ACAN: variants seen among roughly 807,000 people sequenced by gnomAD.
The protein encoded by ACAN is aggrecan core protein.
ACAN carries 47 observed loss-of-function variants against 169.1 expected under a neutral mutation model. The ratio of observed to expected loss-of-function variants is 0.28; its 90% CI spans 0.22 to 0.35. The LOEUF is 0.35. Among genes scored for constraint, ACAN ranks in the 10% least tolerant of loss-of-function variants. The pLI is 1.00. For missense variants in ACAN, 2,716 were observed against 2,759.9 expected, an observed-to-expected ratio of 0.98 and a Z score of 0.36; for synonymous variants, 1,115 against 1,112.2, an observed-to-expected ratio of 1.00 and a Z score of -0.05.
intron 2 of ACAN, among the ~76,000 whole-genome samples, chr15:88,837,625 C>T (rs971467212): frequency 6.6e-6 from 1 of 152,158 alleles, no homozygotes; most frequent in Non-Finnish European, 1.5e-5. Flanking sequence ...CAGCTCTCCC[C>T]TGAGAACCAC....
rs1156388964 is a variant in ACAN, at chr15:88,838,673, C to T, written c.81C>T (p.Asn27=). The change falls in exon 3 of 19, where the codon AAC becomes AAT. Residue 27 remains asparagine (N), a synonymous_variant. Transcript: ENST00000560601. This position sits in a 1 kb window ranked among gnomAD's most constrained non-coding sequence, Gnocchi z 5.1. The part of the protein sequence containing the change: ...AVTVETSDHD[N]SLSVSIPQPS... ...ACCTCTCCCACACAGACCATGACAACTCGCTGAGTGTCAGCATCCCCCAAC... is the reference window on the plus strand; with the variant it reads ...ACCTCTCCCACACAGACCATGACAATTCGCTGAGTGTCAGCATCCCCCAAC... 2 of 1,582,782 alleles carry T rather than the reference C, an allele frequency of 1.3e-6. No homozygotes were observed. The highest frequency in any genetic ancestry group is 1.7e-5 in the Admixed American group (1 of 58,620).
In ACAN at chr15:88,874,693, G is replaced by A. The variant is rs1897470797; in HGVS notation, c.*212G>A. The A allele has an allele frequency of 1.5e-6, 1 of 656,962 alleles. No individual in the cohort carries two copies. 40.7% of individuals were successfully genotyped at this position (656,962 alleles called of 1,614,324 possible). ...TCTAATTTGTCCGCCGAATGCCAAA[G>A]CAAAGCAAACTTATTATAACCCTTG... is the stretch of plus-strand genomic sequence containing the variant. On this transcript the variant is annotated 3_prime_UTR_variant, in exon 19 of 19. Transcript: ENST00000560601. This position sits in a 1 kb window ranked among gnomAD's most constrained non-coding sequence, Gnocchi z 7.3.
intron 11 of ACAN, among the ~76,000 whole-genome samples, chr15:88,853,150 G>A (rs79230535): frequency 8.5e-5 from 13 of 152,100 alleles, no homozygotes; most frequent in African/African-American, 2.2e-4. Context: ...CTTTGGCATC[G>A]GGGTGTGACT....
chr15:88,859,972 C>T (rs1342743700), intron 12 of ACAN, among the ~76,000 whole-genome samples: 1 of 151,922 alleles, frequency 6.6e-6, no homozygotes, highest in African/African-American at 2.4e-5. Context: ...ATCCCCAACC[C>T]CATCCGTGTA....
chr15:88,863,132 G>A (rs557093807), intron 13 of ACAN, among the ~76,000 whole-genome samples: 2 of 152,158 alleles, frequency 1.3e-5, no homozygotes, highest in African/African-American at 4.8e-5. Context: ...AAGGGGGTCA[G>A]AAGCTGTATT....
rs1897322266 is a variant in ACAN at position 88,868,823 on chromosome 15, C to T, written c.7060+494C>T. 6.6e-6 allele frequency among the ~76,000 whole-genome samples: 1 copy of T among 152,198 alleles called. No individual in the cohort carries two copies. The highest frequency in any genetic ancestry group is 1.5e-5 in the Non-Finnish European group (1 of 68,042). On this transcript the variant is annotated intron_variant, in intron 14 of 18. Coordinates refer to ENST00000560601, the MANE Select transcript of ACAN (RefSeq NM_001369268.1). The surrounding 1 kb of genome is among the most constrained non-coding windows in gnomAD (Gnocchi z 5.2). Reference sequence around the variant, plus strand: ...TGGGGCAAGAGCTGTGGTTGGTCTGCCTGAGATCTCCCGTGTCATCAGCAT... The same window carrying T: ...TGGGGCAAGAGCTGTGGTTGGTCTGTCTGAGATCTCCCGTGTCATCAGCAT...
chr15:88,808,522 A>G (rs1465026279), intron 1 of ACAN, among the ~76,000 whole-genome samples: 1 of 152,090 alleles, frequency 6.6e-6, no homozygotes, highest in Non-Finnish European at 1.5e-5. Context: ...CTGACCCCTC[A>G]TTTCTATACA....
rs1322235271 is a variant in ACAN, at chr15:88,855,055, T to C, written c.2470T>C (p.Phe824Leu). 1.3e-6 allele frequency: 2 copies of C among 1,590,094 alleles called. No individual in the cohort carries two copies. Among genetic ancestry groups the C allele is most frequent in the Non-Finnish European group, 1.7e-6 (2 of 1,169,610 alleles). The change falls in exon 12 of 19, where the codon TTC (phenylalanine) becomes CTC (leucine). Residue 824 changes from phenylalanine (F) to leucine (L), a missense_variant. Physicochemically the swap from Phe to Leu is conservative, Grantham distance 22. Transcript: ENST00000560601. ...SVELFPSEEP[F>L]PSKEPSPSEE... Reference sequence around the variant, plus strand: ...GGAGCTGTTCCCCTCAGAGGAGCCATTCCCCTCCAAGGAGCCATCCCCCTC... The same window carrying C: ...GGAGCTGTTCCCCTCAGAGGAGCCACTCCCCTCCAAGGAGCCATCCCCCTC...
At chr15:88,837,919 C>CT (rs545798859) in intron 2 of ACAN, among the ~76,000 whole-genome samples, 1,421 of 66,740 alleles carry the variant, frequency 0.021, 11 homozygotes, top group Middle Eastern at 0.036. Flanking sequence ...TGTTTTTTTT[C>CT]TTTTTTTTTT....
At position 88,859,114 on chromosome 15, in the gene ACAN, G is replaced by A. The variant is rs745580775; in HGVS notation, c.6529G>A (p.Val2177Met). The change falls in exon 12 of 19, where the codon GTG (valine) becomes ATG (methionine). Residue 2177 changes from valine (V) to methionine (M), a missense_variant. By Grantham distance (21) the Val-to-Met change is conservative. This residue lies in a region of ACAN where 1,389 missense variants were observed against 1,363.7 expected (regional missense o/e 1.02). Transcript: ENST00000560601. ...TGGAGAATCCACCACCACCAGTGAT[G>A]TGGGGACAGAGGCACCAGGCTTGCC... is the stretch of plus-strand genomic sequence containing the variant. ...VSGESTTTSD[V>M]GTEAPGLPSA... 3 of 1,613,766 alleles carry A rather than the reference G, an allele frequency of 1.9e-6. No individual in the cohort carries two copies. The highest frequency in any genetic ancestry group is 2.5e-6 in the Non-Finnish European group (3 of 1,179,910).
intron 1 of ACAN, among the ~76,000 whole-genome samples, chr15:88,812,087 G>C (rs1041023918): frequency 6.6e-6 from 1 of 152,160 alleles, no homozygotes; most frequent in Non-Finnish European, 1.5e-5. Flanking sequence ...GTTAGGAGTG[G>C]GGATGGCTTC....
chr15:88,845,846 G>A lies in ACAN; in HGVS notation c.1393G>A (p.Val465Met), dbSNP rs761237568. ...AFTSEDLVVQ[V>M]TAVPGQPHLP... is the part of the protein sequence containing the mutation. ...CACCAGTGAGGACCTCGTCGTGCAG[G>A]TGACCGCTGTCCCTGGGCAGCCGCA... Residue 465 changes from valine (V) to methionine (M), a missense_variant, in exon 7 of 19, where the codon GTG (valine) becomes ATG (methionine). By Grantham distance (21) the Val-to-Met change is conservative (BLOSUM62 1). Around this residue, in one of 3 missense-constraint regions of ACAN, gnomAD observed 1,283 missense variants for 1,281.5 expected, o/e 1.00. Transcript: ENST00000560601. The A allele has an allele frequency of 3.6e-5, 54 of 1,480,216 alleles. No individual in the cohort carries two copies. The highest frequency in any genetic ancestry group is 4.8e-5 in the Non-Finnish European group (53 of 1,111,808). 91.7% of individuals were successfully genotyped at this position (1,480,216 alleles called of 1,614,324 possible). A position where few individuals can be genotyped will look rare whatever the true frequency, so the allele number is the denominator to read the frequency against.
rs35676128 is a variant in ACAN, at chr15:88,858,594, T to C, written c.6009T>C (p.Tyr2003=). The stretch of plus-strand genomic sequence containing the variant: ...GCGGAGAGCCACCAGGTACTCCATA[T>C]TTTAGTGGGGATTTTGCCAGCACCA... ...EPSGEPPGTP[Y]FSGDFASTTN... The change falls in exon 12 of 19, where the codon TAT becomes TAC. Residue 2003 remains tyrosine (Y), a synonymous_variant. Transcript: ENST00000560601. The surrounding 1 kb of genome is among the most constrained non-coding windows in gnomAD (Gnocchi z 4.0). 4.5e-3 allele frequency: 7,326 copies of C among 1,613,860 alleles called. 116 individuals are homozygous for C. The highest frequency in any genetic ancestry group is 0.041 in the African/African-American group (3,046 of 75,028).
intron 13 of ACAN, among the ~76,000 whole-genome samples, chr15:88,862,997 C>CAAAAAA (rs57598410): frequency 1.4e-5 from 1 of 73,800 alleles, no homozygotes; most frequent in Non-Finnish European, 2.9e-5. Context: ...CACTCGGTCT[C>CAAAAAA]AAAAAAAAAA....
chr15:88,861,533 G>A lies in ACAN; in HGVS notation c.6946+1094G>A, dbSNP rs1313518674. On this transcript the variant is annotated intron_variant, in intron 13 of 18. Coordinates refer to ENST00000560601, the MANE Select transcript of ACAN (RefSeq NM_001369268.1). This position sits in a 1 kb window ranked among gnomAD's most constrained non-coding sequence, Gnocchi z 6.3. ...ATGCTGTATACATGGTACATATGCA[G>A]TAACTATATATGTATATATAAACAG... Among the ~76,000 whole-genome samples the A allele has an allele frequency of 1.3e-5, 2 of 152,060 alleles. No homozygotes were observed. The highest frequency in any genetic ancestry group is 4.8e-5 in the African/African-American group (2 of 41,362).
chr15:88,830,749 G>C (rs956452842), intron 1 of ACAN, among the ~76,000 whole-genome samples: 1 of 152,238 alleles, frequency 6.6e-6, no homozygotes, highest in African/African-American at 2.4e-5. Context: ...GAGTGACTGA[G>C]TGGTGAGTGA....
chr15:88,866,408 C>T lies in ACAN; in HGVS notation c.6947-1808C>T, dbSNP rs1313647613. ...AGGCAGGAGAGCCGCCCCCAGCTTC[C>T]GCCCTGCCGACTGGCCTGACCTATT... On this transcript the variant is annotated intron_variant, in intron 13 of 18. Coordinates refer to ENST00000560601, the MANE Select transcript of ACAN (RefSeq NM_001369268.1). This position sits in a 1 kb window ranked among gnomAD's most constrained non-coding sequence, Gnocchi z 5.6. Among the ~76,000 whole-genome samples, 4 of 152,160 alleles carry T rather than the reference C, an allele frequency of 2.6e-5. No homozygotes were observed. In the East Asian group the frequency reaches 5.8e-4, roughly 22 times the overall value.
intron 13 of ACAN, among the ~76,000 whole-genome samples, chr15:88,864,106 T>G (rs1413133289): frequency 2.0e-5 from 3 of 152,166 alleles, no homozygotes; most frequent in Non-Finnish European, 2.9e-5. Flanking sequence ...GAGCCCAGGA[T>G]GTTGAGACTG....
chr15:88,806,278 C>A (rs1895680324), intron 1 of ACAN, among the ~76,000 whole-genome samples: 1 of 152,144 alleles, frequency 6.6e-6, no homozygotes, highest in African/African-American at 2.4e-5. Flanking sequence ...GGTCACAAAC[C>A]CCAAGTTATG....
Sources: allele counts gnomAD v4.1 joint callset (sites outside exome capture counted in the v4.1 genomes callset), GRCh38; gene constraint gnomAD v4.1.1; regional missense constraint gnomAD v4.1.1; non-coding constraint Gnocchi (gnomAD v3.1); transcripts MANE v1.5; gene names NCBI Gene and HGNC (gene_info 2026-07-23, HGNC 2026-07-21).